CEP164: variants seen among roughly 807,000 people sequenced by gnomAD.
The protein encoded by CEP164 is centrosomal protein of 164 kDa.
In CEP164, 162 loss-of-function variants were observed where a neutral mutation model predicts 182.7. The observed-to-expected ratio is 0.89, with a 90% CI of 0.78 to 1.01. CEP164 has a LOEUF of 1.01. CEP164 is among the 50% of genes least tolerant of loss of function. The pLI is 0.00. For missense variants in CEP164, 1,735 were observed against 1,790.4 expected (o/e 0.97, Z 0.56); for synonymous variants, 661 against 690.0 (o/e 0.96, Z 0.66).
Position 117,376,829 on chromosome 11 carries a change from G to A in CEP164, c.1317+1038G>A, listed in dbSNP as rs78488696. 7.0e-3 allele frequency among the ~76,000 whole-genome samples: 1,066 copies of A among 152,364 alleles called. 15 individuals carry two copies. Among genetic ancestry groups the A allele is most frequent in the African/African-American group, 0.022 (933 of 41,580 alleles). On this transcript the variant is annotated intron_variant, in intron 11 of 32. Coordinates refer to ENST00000278935, the MANE Select transcript of CEP164 (RefSeq NM_014956.5). ...AGTCAAAGGAAGGTGGGATTAGTCA[G>A]GAAAGGTTTGGAGCAGGCGAATTGT...
chr11:117,375,659 T>A, intron 10 of CEP164, 49 bp from the exon 11 acceptor site: 1 of 1,547,612 alleles, frequency 6.5e-7, no homozygotes, highest in Middle Eastern at 1.7e-4. Flanking sequence ...CTGGTGGGTG[T>A]TGACTGTGAC....
intron 5 of CEP164, chr11:117,355,021 C>T (rs2040151277): frequency 7.8e-7 from 1 of 1,289,676 alleles, no homozygotes; most frequent in Non-Finnish European, 1.0e-6. Flanking sequence ...CTGATCTGGA[C>T]CTAGATCAAG....
chr11:117,350,140 G>A lies in CEP164; in HGVS notation c.195-1650G>A, dbSNP rs548368898. Among the ~76,000 whole-genome samples the A allele has an allele frequency of 4.7e-4, 72 of 151,814 alleles. 1 individual carries two copies. In the South Asian group the frequency reaches 0.013, roughly 28 times the overall value. On this transcript the variant is annotated intron_variant, in intron 4 of 32. Transcript: ENST00000278935. Reference sequence around the variant, plus strand: ...ATCAGGCTGGTCTTGAACTCCTGACGTCAGGTGATCCACCTGCCTTGGCCT... The same window carrying A: ...ATCAGGCTGGTCTTGAACTCCTGACATCAGGTGATCCACCTGCCTTGGCCT...
At chr11:117,356,326 G>C in intron 5 of CEP164, 1 of 1,142,784 alleles carries the variant, frequency 8.8e-7, no homozygotes, top group South Asian at 1.7e-5. Flanking sequence ...AGGACATGCC[G>C]TGCAGACACA....
rs760197191 is a variant in CEP164 at position 117,394,370 on chromosome 11, GCTT to G, written c.2640_2642del (p.Leu881del). Reference sequence around the variant, plus strand: ...TGCAGGAGAGGAAGCAGCGGGCTGAGCTTCTGGGGCACCTGACCGGAGAGCTGG... The same window carrying G: ...TGCAGGAGAGGAAGCAGCGGGCTGAGCTGGGGCACCTGACCGGAGAGCTGG... On this transcript the variant is annotated inframe_deletion, in exon 21 of 33. Transcript: ENST00000278935. This position sits in a 1 kb window ranked among gnomAD's most constrained non-coding sequence, Gnocchi z 4.0. The G allele has an allele frequency of 1.2e-6, 2 of 1,606,394 alleles. No individual in the cohort carries two copies. The highest frequency in any genetic ancestry group is 1.7e-6 in the Non-Finnish European group (2 of 1,176,842).
At chr11:117,380,741 C>A in intron 12 of CEP164, 36 bp downstream of exon 12, 1 of 1,553,974 alleles carries the variant, frequency 6.4e-7, no homozygotes, top group South Asian at 1.2e-5. Flanking sequence ...AGCGCTGTGC[C>A]TTCAGGGTGG....
At chr11:117,349,821 C>T (rs1419194223) in intron 4 of CEP164, among the ~76,000 whole-genome samples, 22 of 152,168 alleles carry the variant, frequency 1.4e-4, no homozygotes, top group Admixed American at 1.4e-3. Flanking sequence ...GTCTACCAGG[C>T]TCAAGGTCAA....
intron 8 of CEP164, among the ~76,000 whole-genome samples, chr11:117,365,905 C>A (rs546229126): frequency 1.3e-5 from 2 of 152,206 alleles, no homozygotes; most frequent in South Asian, 2.1e-4. Context: ...TAAAAGCTTT[C>A]CTTCTGATGA....
chr11:117,380,473 T>C, intron 11 of CEP164, 141 bp from the exon 12 acceptor site: 1 of 662,220 alleles, frequency 1.5e-6, no homozygotes, highest in East Asian at 2.8e-5. Flanking sequence ...AGATCAACCT[T>C]CTGTTCTACG....
chr11:117,371,261 A>G lies in CEP164; in HGVS notation c.947A>G (p.Asn316Ser). 1 of 1,614,226 alleles carries G rather than the reference A, an allele frequency of 6.2e-7. No individual in the cohort carries two copies. Among genetic ancestry groups the G allele is most frequent in the Non-Finnish European group, 8.5e-7 (1 of 1,180,036 alleles). Residue 316 changes from asparagine to serine, a missense_variant, in exon 9 of 33, where the codon AAT (asparagine) becomes AGT (serine). By Grantham distance (46) the Asn-to-Ser change is conservative. Transcript: ENST00000278935. Reference protein sequence around the residue: ...ARPGLPEKEENEKSEPKICRN... With the variant: ...ARPGLPEKEESEKSEPKICRN... Reference sequence around the variant, plus strand: ...CCTGGTCTTCCAGAAAAAGAGGAAAATGAGAAGAGTGAACCTAAGATTTGC... The same window carrying G: ...CCTGGTCTTCCAGAAAAAGAGGAAAGTGAGAAGAGTGAACCTAAGATTTGC...
At chr11:117,390,968 G>A in intron 16 of CEP164, 31 bp from the exon 17 acceptor site, 1 of 1,614,048 alleles carries the variant, frequency 6.2e-7, no homozygotes, top group Non-Finnish European at 8.5e-7. Context: ...AGGGTGCACA[G>A]GCCCGTTACC....
rs530932318 is a variant in CEP164, at chr11:117,394,459, G to A, written c.2726G>A (p.Arg909His). The A allele has an allele frequency of 1.8e-5, 29 of 1,614,136 alleles. No individual in the cohort carries two copies. In the East Asian group the frequency reaches 2.9e-4, roughly 16 times the overall value. The change falls in exon 21 of 33, where the codon CGT becomes CAT. Residue 909 changes from arginine (R) to histidine (H), a missense_variant. By Grantham distance (29) the Arg-to-His change is conservative. Transcript: ENST00000278935. This position sits in a 1 kb window ranked among gnomAD's most constrained non-coding sequence, Gnocchi z 4.0. ...ACTGTGAGGCAGGAGCAACACAAGC[G>A]TCTTGAGGACTTGCGGCGCCGGCAC... is the stretch of plus-strand genomic sequence containing the variant. ...LETVRQEQHKRLEDLRRRHRE... is the reference protein window; with the variant it reads ...LETVRQEQHKHLEDLRRRHRE...
chr11:117,363,352 T>C (rs1474626110), intron 7 of CEP164, 77 bp from the exon 8 acceptor site: 1 of 1,075,046 alleles, frequency 9.3e-7, no homozygotes, highest in Admixed American at 1.8e-5. Context: ...AGTGCCCCAC[T>C]TTTCCCTCTG....
Position 117,394,473 on chromosome 11 carries a change from C to G in CEP164, c.2740C>G (p.Arg914Gly), listed in dbSNP as rs541217768. The change falls in exon 21 of 33, where the codon CGG (arginine) becomes GGG (glycine). Residue 914 changes from arginine (R) to glycine (G), a missense_variant. Arg to Gly is a moderately radical substitution (Grantham distance 125). Coordinates refer to ENST00000278935, the MANE Select transcript of CEP164 (RefSeq NM_014956.5). The surrounding 1 kb of genome is among the most constrained non-coding windows in gnomAD (Gnocchi z 4.0). ...QEQHKRLEDL[R>G]RRHREQERKL... is the part of the protein sequence containing the mutation. ...GCAACACAAGCGTCTTGAGGACTTG[C>G]GGCGCCGGCACAGGGAGCAGGTGAG... 6.2e-7 allele frequency: 1 copy of G among 1,613,824 alleles called. No individual in the cohort carries two copies. The highest frequency in any genetic ancestry group is 8.5e-7 in the Non-Finnish European group (1 of 1,179,962).
chr11:117,336,463 C>G, intron 2 of CEP164: 1 of 1,479,784 alleles, frequency 6.8e-7, no homozygotes, highest in Non-Finnish European at 9.4e-7. Flanking sequence ...AGGGGCCCCA[C>G]CTGGGAGGAA....
At chr11:117,329,268 G>A (rs1746958057) in intron 1 of CEP164, among the ~76,000 whole-genome samples, 1 of 152,060 alleles carries the variant, frequency 6.6e-6, no homozygotes, top group Admixed American at 6.6e-5. Context: ...GGCTAGAATC[G>A]TCTATCTGAC....
intron 5 of CEP164, chr11:117,355,999 G>GAGCGGCAGC: frequency 8.9e-7 from 1 of 1,122,640 alleles, no homozygotes; most frequent in Non-Finnish European, 1.1e-6. Flanking sequence ...CTGACTTGGA[G>GAGCGGCAGC]AGCAGCAGCA....
At chr11:117,322,538 A>G (rs61903732) in intron 1 of CEP164, among the ~76,000 whole-genome samples, 40,570 of 151,810 alleles carry the variant, frequency 0.27, 5,572 homozygotes, top group African/African-American at 0.3. Flanking sequence ...ATAGGATACC[A>G]GAATTTATTC....
chr11:117,330,332 G>A (rs554797273), intron 1 of CEP164, among the ~76,000 whole-genome samples: 2 of 152,278 alleles, frequency 1.3e-5, no homozygotes, highest in East Asian at 3.9e-4. Flanking sequence ...CTAACACGTC[G>A]CACAATGTCT....
Sources: gnomAD v4.1 joint callset for allele counts (sites outside exome capture counted in the v4.1 genomes callset) on GRCh38, gnomAD v4.1.1 for gene constraint, Gnocchi (gnomAD v3.1) non-coding constraint, MANE v1.5 for transcripts, NCBI Gene and HGNC (gene_info 2026-07-23, HGNC 2026-07-21) for gene names.